Variants in SCAF11 observed in about 807,000 individuals in gnomAD.
The protein encoded by SCAF11 is SR-related CTD associated factor 11.
A neutral mutation model predicts 140.5 loss-of-function variants in SCAF11; 47 were observed. That is an observed-to-expected ratio of 0.33 (90% CI 0.26 to 0.43). The LOEUF is 0.43. SCAF11 is among the 20% of genes least tolerant of loss of function. The probability of loss-of-function intolerance (pLI) is 1.00; values close to 1 mark genes in which losing one functional copy is unlikely to be tolerated. For missense variants in SCAF11, 1,645 were observed against 1,705.1 expected, an observed-to-expected ratio of 0.96 and a Z score of 0.62; for synonymous variants, 557 against 579.4, an observed-to-expected ratio of 0.96 and a Z score of 0.55.
At chr12:45,974,433 A>G (rs972338541) in intron 1 of SCAF11, 1 of 316,620 alleles carries the variant, frequency 3.2e-6, no homozygotes, top group African/African-American at 2.2e-5. Flanking sequence ...CATTTTATCC[A>G]CAGCAGAATG....
chr12:45,947,796 C>T (rs890629500), intron 5 of SCAF11, among the ~76,000 whole-genome samples: 5 of 152,188 alleles, frequency 3.3e-5, no homozygotes, highest in Non-Finnish European at 5.9e-5. Context: ...CCTGCCTCAA[C>T]TTCCTAAGTA....
chr12:45,938,978 A>C (rs763458330), intron 6 of SCAF11, among the ~76,000 whole-genome samples: 1 of 148,930 alleles, frequency 6.7e-6, no homozygotes, highest in Non-Finnish European at 1.5e-5. Context: ...AAAAACAAAA[A>C]TGTATAATTC....
intron 1 of SCAF11, among the ~76,000 whole-genome samples, chr12:45,973,772 T>C (rs1373260275): frequency 1.3e-5 from 2 of 152,136 alleles, no homozygotes; most frequent in African/African-American, 4.8e-5. Context: ...GGAATGAATG[T>C]GAAACAAAAG....
In SCAF11 at chr12:45,990,486, C is replaced by T; in HGVS notation, c.-155G>A. ...GTGGTGTTACAGGGTCTCTAGGACA[C>T]TGACTCCGCTGGCTCGGTCCGGAGG... On this transcript the variant is annotated 5_prime_UTR_variant, in exon 1 of 15. It adds an upstream start codon to the 5' untranslated region. Transcript: ENST00000369367. 1.6e-6 allele frequency: 2 copies of T among 1,231,026 alleles called. No individual in the cohort carries two copies. Among genetic ancestry groups the T allele is most frequent in the Non-Finnish European group, 2.0e-6 (2 of 987,768 alleles). 76.3% of individuals were successfully genotyped at this position (1,231,026 alleles called of 1,614,324 possible).
Position 45,922,018 on chromosome 12 carries a change from C to A in SCAF11, c.*30G>T, listed in dbSNP as rs779858245. On this transcript the variant is annotated 3_prime_UTR_variant, in exon 15 of 15. Coordinates refer to ENST00000369367, the MANE Select transcript of SCAF11 (RefSeq NM_004719.3). The stretch of plus-strand genomic sequence containing the variant: ...GTTGAAATTGCACTTTGCAGATATC[C>A]TGATAATGTCCTTGACAGCGTTCCC... 1.3e-6 allele frequency: 2 copies of A among 1,592,312 alleles called. No individual in the cohort carries two copies. Among genetic ancestry groups the A allele is most frequent in the Non-Finnish European group, 1.7e-6 (2 of 1,173,002 alleles).
intron 1 of SCAF11, among the ~76,000 whole-genome samples, chr12:45,972,331 C>T (rs1946091638): frequency 6.6e-6 from 1 of 152,134 alleles, no homozygotes; most frequent in African/African-American, 2.4e-5. Flanking sequence ...CATGTAATCC[C>T]AGCACTTTAA....
At position 45,972,929 on chromosome 12, in the gene SCAF11, G is replaced by GATATATATATAGAT. The variant is rs1177941305; in HGVS notation, c.-21-8742_-21-8741insATCTATATATATAT. The stretch of plus-strand genomic sequence containing the variant: ...ATATAGATATATATATAGATATATA[G>GATATATATATAGAT]ATATATATAGATATATATATAGATA... On this transcript the variant is annotated intron_variant, in intron 1 of 14. Transcript: ENST00000369367. 6.0e-4 allele frequency among the ~76,000 whole-genome samples: 52 copies of GATATATATATAGAT among 86,520 alleles called. 1 individual carries two copies. The highest frequency in any genetic ancestry group is 2.7e-3 in the African/African-American group (48 of 17,736). The allele number at this position is 86,520 out of a possible 152,430, so 56.8% of individuals were successfully genotyped here.
At chr12:45,938,812 CATAATT>C (rs924579094) in intron 6 of SCAF11, among the ~76,000 whole-genome samples, 1 of 148,844 alleles carries the variant, frequency 6.7e-6, no homozygotes, top group African/African-American at 2.5e-5. Context: ...TTAATAAAGA[CATAATT>C]AGATGGATCT....
chr12:45,991,615 TTAGA>T (rs749349625), upstream of SCAF11, among the ~76,000 whole-genome samples: 6 of 152,166 alleles, frequency 3.9e-5, no homozygotes, highest in Non-Finnish European at 7.4e-5. Flanking sequence ...CGCGTTGTGG[TTAGA>T]TAGTGACGTG....
intron 3 of SCAF11, among the ~76,000 whole-genome samples, chr12:45,952,443 T>C (rs924782493): frequency 6.6e-6 from 1 of 152,200 alleles, no homozygotes; most frequent in Non-Finnish European, 1.5e-5. Context: ...TTTTAAGGAC[T>C]ATCCAAAGTT....
At chr12:45,948,367 A>T in intron 5 of SCAF11, 70 bp downstream of exon 5, 1 of 980,834 alleles carries the variant, frequency 1.0e-6, no homozygotes, top group Admixed American at 2.2e-5. Flanking sequence ...TCATTTTTTT[A>T]ATACCTTTTT....
intron 6 of SCAF11, chr12:45,945,028 C>T (rs1054671989): frequency 1.8e-5 from 9 of 497,492 alleles, no homozygotes; most frequent in Non-Finnish European, 2.8e-5. Flanking sequence ...CCAACACACG[C>T]ACACACACAC....
intron 4 of SCAF11, among the ~76,000 whole-genome samples, chr12:45,950,445 A>T (rs139303867): frequency 6.6e-6 from 1 of 152,328 alleles, no homozygotes; most frequent in Non-Finnish European, 1.5e-5. Context: ...AACTCTATCA[A>T]ATAAATTTTA....
rs375954137 is a variant in SCAF11, at chr12:45,945,168, A to G, written c.463+81T>C. On this transcript the variant is annotated intron_variant, in intron 6 of 14. Coordinates refer to ENST00000369367, the MANE Select transcript of SCAF11 (RefSeq NM_004719.3). ...GGACTATTTTCCAGCCTGAAGTGTT[A>G]CTGATGAGAACTCTGACACAACCAT... 31 of 812,528 alleles carry G rather than the reference A, an allele frequency of 3.8e-5. 1 individual carries two copies. The South Asian group carries it at 4.3e-4, about 11-fold the overall frequency. The allele number at this position is 812,528 out of a possible 1,614,324, so 50.3% of individuals were successfully genotyped here.
chr12:45,948,328 T>A (rs187114000), intron 5 of SCAF11, 109 bp downstream of exon 5: 1 of 686,774 alleles, frequency 1.5e-6, no homozygotes, highest in East Asian at 2.8e-5. Context: ...TGCTTTTGAA[T>A]AAGTGATTAA....
At position 45,922,541 on chromosome 12, in the gene SCAF11, C is replaced by T. The variant is rs143187024; in HGVS notation, c.4167G>A (p.Leu1389=). Residue 1389 remains leucine, a synonymous_variant, in exon 14 of 15, where the codon TTG becomes TTA. Coordinates refer to ENST00000369367, the MANE Select transcript of SCAF11 (RefSeq NM_004719.3). ...IQEKAAQEVK[L]AIKPFYQNKD... ...TATTTTGGTAAAATGGCTTGATGGC[C>T]AATTTTACCTCTTGTGCTGCTTTTT... 8 of 1,598,506 alleles carry T rather than the reference C, an allele frequency of 5.0e-6. No individual in the cohort carries two copies. The Admixed American group carries it at 5.5e-5, about 11-fold the overall frequency.
In SCAF11 at chr12:45,990,465, T is replaced by C. The variant is rs914378576; in HGVS notation, c.-134A>G. 8.1e-7 allele frequency: 1 copy of C among 1,230,984 alleles called. No individual in the cohort carries two copies. The highest frequency in any genetic ancestry group is 1.0e-6 in the Non-Finnish European group (1 of 987,834). The allele number at this position is 1,230,984 out of a possible 1,614,324, so 76.3% of individuals were successfully genotyped here. A position where few individuals can be genotyped will look rare whatever the true frequency, so the allele number is the denominator to read the frequency against. On this transcript the variant is annotated 5_prime_UTR_variant, in exon 1 of 15. Transcript: ENST00000369367. ...ATGGACTCCTTCGTCCGCTTTGTGG[T>C]GTTACAGGGTCTCTAGGACACTGAC...
rs1328385195 is a variant in SCAF11, at chr12:45,920,118, A to C, written c.*1930T>G. On this transcript the variant is annotated 3_prime_UTR_variant, in exon 15 of 15. Transcript: ENST00000369367. ...CATAATCTAAACGCAAACTTTAAAA[A>C]TATATACCAGTAGAATACCATATTA... The C allele has an allele frequency of 6.6e-6, 1 of 152,242 alleles. No individual in the cohort carries two copies. Among genetic ancestry groups the C allele is most frequent in the Non-Finnish European group, 1.5e-5 (1 of 68,034 alleles). 9.4% of individuals were successfully genotyped at this position (152,242 alleles called of 1,614,324 possible). A position where few individuals can be genotyped will look rare whatever the true frequency, so the allele number is the denominator to read the frequency against.
In SCAF11 at chr12:45,927,771, C is replaced by T. The variant is rs1156962978; in HGVS notation, c.1930G>A (p.Glu644Lys). The T allele has an allele frequency of 6.2e-7, 1 of 1,613,056 alleles. No homozygotes were observed. The highest frequency in any genetic ancestry group is 8.5e-7 in the Non-Finnish European group (1 of 1,179,460). Residue 644 changes from glutamate (E) to lysine (K), a missense_variant, in exon 11 of 15, where the codon GAA becomes AAA. By Grantham distance (56) the Glu-to-Lys change is moderately conservative. Coordinates refer to ENST00000369367, the MANE Select transcript of SCAF11 (RefSeq NM_004719.3). ...AAAGTATCACATGTTGCAATTATTT[C>T]TACATCTTCAGTTTCAACATGCCCA... The part of the protein sequence containing the change: ...LLGHVETEDV[E>K]IIATCDTFGN...
Sources: allele counts gnomAD v4.1 joint callset (sites outside exome capture counted in the v4.1 genomes callset), GRCh38; gene constraint gnomAD v4.1.1; transcripts MANE v1.5; gene names NCBI Gene and HGNC (gene_info 2026-07-23, HGNC 2026-07-21).